Variants in ACTR3C observed in about 807,000 individuals in gnomAD.
ACTR3C encodes the protein actin related protein 3C.
Under a neutral mutation model 26.3 loss-of-function variants are expected in ACTR3C, and 18 were observed. That is an observed-to-expected ratio of 0.68 (90% CI 0.47 to 1.01). ACTR3C has a LOEUF of 1.01. Ranked by LOEUF, ACTR3C falls within the 50% of genes least tolerant of loss-of-function variation. The pLI is 0.00. For missense variants in ACTR3C, 184 were observed against 250.7 expected (o/e 0.73, Z 1.80); for synonymous variants, 55 against 94.5 (o/e 0.58, Z 2.42).
chr7:149,897,330 C>T, the ACTR3C span, among the ~76,000 whole-genome samples: 22 of 152,230 alleles, frequency 1.4e-4, no homozygotes, highest in Admixed American at 7.9e-4. Context: ...GGTTTGTGAG[C>T]GAAAGCATTT....
the ACTR3C span, among the ~76,000 whole-genome samples, chr7:150,112,180 C>T: frequency 1.3e-5 from 2 of 151,440 alleles, no homozygotes; most frequent in African/African-American, 4.9e-5. Context: ...CCGGGCCCCG[C>T]TCTGAGCTTC....
chr7:149,958,663 A>G, the ACTR3C span, among the ~76,000 whole-genome samples: 3 of 152,202 alleles, frequency 2.0e-5, no homozygotes, highest in Non-Finnish European at 4.4e-5. Context: ...TACACGTAAA[A>G]CATCTTGGCT....
At chr7:150,142,066 C>T in the ACTR3C span, among the ~76,000 whole-genome samples, 1 of 152,154 alleles carries the variant, frequency 6.6e-6, no homozygotes, top group Non-Finnish European at 1.5e-5. Context: ...ACCCCGCCTC[C>T]GATGATTCTA....
intron 6 of ACTR3C, among the ~76,000 whole-genome samples, 192 bp from the exon 7 acceptor site, chr7:150,249,246 C>G (rs1832662731): frequency 6.6e-6 from 1 of 152,024 alleles, no homozygotes; most frequent in East Asian, 1.9e-4. Context: ...ACCATGGAGA[C>G]CAGAAATGAA....
At chr7:150,178,894 G>A in the ACTR3C span, among the ~76,000 whole-genome samples, 25,763 of 150,162 alleles carry the variant, frequency 0.17, 4,883 homozygotes, top group African/African-American at 0.43. Context: ...TTGCACGTAT[G>A]AGTAACTGTT....
the ACTR3C span, among the ~76,000 whole-genome samples, chr7:150,131,274 T>C: frequency 6.8e-6 from 1 of 146,140 alleles, no homozygotes; most frequent in Non-Finnish European, 1.6e-5. Flanking sequence ...TAGGTAACTT[T>C]CTGTCAAAGT....
At chr7:149,882,382 C>A in the ACTR3C span, among the ~76,000 whole-genome samples, 413 of 152,330 alleles carry the variant, frequency 2.7e-3, 4 homozygotes, top group African/African-American at 9.5e-3. Context: ...GGGTGGCATC[C>A]TCTGGGCCTG....
the ACTR3C span, among the ~76,000 whole-genome samples, chr7:150,119,884 C>T: frequency 1.3e-5 from 2 of 152,202 alleles, no homozygotes; most frequent in Non-Finnish European, 2.9e-5. Context: ...AGCGAACAGT[C>T]TCTCAGACCA....
At chr7:149,931,589 G>A in the ACTR3C span, among the ~76,000 whole-genome samples, 1 of 152,152 alleles carries the variant, frequency 6.6e-6, no homozygotes, top group African/African-American at 2.4e-5. Context: ...CTGCTTCATG[G>A]AGCACCTCTG....
At chr7:150,232,228 TA>T in the ACTR3C span, among the ~76,000 whole-genome samples, 2 of 152,310 alleles carry the variant, frequency 1.3e-5, no homozygotes, top group African/African-American at 4.8e-5. Flanking sequence ...TTATATTTCT[TA>T]AAACCTTTAC....
intron 6 of ACTR3C, among the ~76,000 whole-genome samples, chr7:150,271,329 C>A (rs1457389671): frequency 6.7e-6 from 1 of 149,774 alleles, no homozygotes; most frequent in Non-Finnish European, 1.5e-5. Flanking sequence ...CTAATGCTCT[C>A]CCTCCCCTAA....
At chr7:150,045,585 C>T in the ACTR3C span, among the ~76,000 whole-genome samples, 31 of 148,606 alleles carry the variant, frequency 2.1e-4, no homozygotes, top group South Asian at 2.1e-3. Flanking sequence ...AAAAGCATGT[C>T]AGGACTTACA....
At chr7:150,224,230 G>A in the ACTR3C span, among the ~76,000 whole-genome samples, 1 of 152,078 alleles carries the variant, frequency 6.6e-6, no homozygotes, top group East Asian at 1.9e-4. Flanking sequence ...CAGGTGGATG[G>A]GATTGTTGGA....
chr7:150,057,276 CTTT>C, the ACTR3C span, among the ~76,000 whole-genome samples: 940 of 113,908 alleles, frequency 8.3e-3, 3 homozygotes, highest in East Asian at 0.018. Flanking sequence ...GGAATAGGTC[CTTT>C]TTTTTTTTTT....
chr7:149,900,435 A>G, the ACTR3C span, among the ~76,000 whole-genome samples: 1 of 151,948 alleles, frequency 6.6e-6, no homozygotes, highest in Non-Finnish European at 1.5e-5. Context: ...TCTGCCTCCC[A>G]AAGTGCTGAG....
At chr7:150,125,363 C>A in the ACTR3C span, among the ~76,000 whole-genome samples, 2 of 150,766 alleles carry the variant, frequency 1.3e-5, no homozygotes, top group Non-Finnish European at 2.9e-5. Flanking sequence ...CTTGCAAGGC[C>A]GCTGGGTAAA....
the ACTR3C span, among the ~76,000 whole-genome samples, chr7:150,087,602 T>C: frequency 6.6e-6 from 1 of 152,088 alleles, no homozygotes; most frequent in Non-Finnish European, 1.5e-5. Context: ...GTGGCCTTAA[T>C]GTGGGAGAAA....
chr7:149,930,709 T>C, the ACTR3C span, among the ~76,000 whole-genome samples: 2 of 152,152 alleles, frequency 1.3e-5, no homozygotes, highest in African/African-American at 4.8e-5. Flanking sequence ...TGTTTTCATA[T>C]TGTAGACAGT....
intron 6 of ACTR3C, among the ~76,000 whole-genome samples, chr7:150,258,524 T>G (rs1230597184): frequency 6.6e-6 from 1 of 152,116 alleles, no homozygotes; most frequent in Non-Finnish European, 1.5e-5. Context: ...GCTAGGTCCA[T>G]GAATCTACTC....
Sources: gnomAD v4.1 joint callset for allele counts (sites outside exome capture counted in the v4.1 genomes callset) on GRCh38, gnomAD v4.1.1 for gene constraint, MANE v1.5 for transcripts, NCBI Gene and HGNC (gene_info 2026-07-23, HGNC 2026-07-21) for gene names.